Variants in TRIM10 observed in about 807,000 individuals in gnomAD.
TRIM10 encodes tripartite motif containing 10, also known as tripartite motif-containing protein 10.
TRIM10 carries 42 observed loss-of-function variants against 40.0 expected under a neutral mutation model. The observed-to-expected ratio is 1.05, with a 90% CI of 0.82 to 1.36. The LOEUF (loss-of-function observed/expected upper bound fraction) is 1.36, where lower values mean the gene tolerates loss of function less well. TRIM10 is among the 40% of genes most tolerant of loss of function. TRIM10 has a pLI of 0.00. For missense variants in TRIM10, 601 were observed against 608.3 expected (o/e 0.99, Z 0.13); for synonymous variants, 260 against 239.5 (o/e 1.09, Z -0.79).
Position 30,153,536 on chromosome 6 carries a change from A to T in TRIM10, c.*433T>A, listed in dbSNP as rs1374878939. 5 of 722,968 alleles carry T rather than the reference A, an allele frequency of 6.9e-6. No individual in the cohort carries two copies. Among genetic ancestry groups the T allele is most frequent in the Non-Finnish European group, 9.3e-6 (4 of 431,756 alleles). 44.8% of individuals were successfully genotyped at this position (722,968 alleles called of 1,614,324 possible). A position where few individuals can be genotyped will look rare whatever the true frequency, so the allele number is the denominator to read the frequency against. ...GCTTGGTTCATAGTTAACACAAACT[A>T]AATGGTTCTAGAGAATGTGATTACA... On this transcript the variant is annotated 3_prime_UTR_variant, in exon 7 of 7. Transcript: ENST00000449742.
Position 30,154,383 on chromosome 6 carries a change from G to T in TRIM10, c.1032C>A (p.Asn344Lys), listed in dbSNP as rs755239950. 1.2e-6 allele frequency: 2 copies of T among 1,613,002 alleles called. No homozygotes were observed. Among genetic ancestry groups the T allele is most frequent in the Non-Finnish European group, 1.7e-6 (2 of 1,179,978 alleles). ...FSYKWQNSPD[N>K]PQRFDRATCV... ...AGGTGGCCCGGTCAAAACGTTGGGG[G>T]TTGTCTGGTGAGTTCTGCCATTTGT... The change falls in exon 7 of 7, where the codon AAC becomes AAA. Residue 344 changes from asparagine (N) to lysine (K), a missense_variant. By Grantham distance (94) the Asn-to-Lys change is moderately conservative (BLOSUM62 0). Transcript: ENST00000449742.
Position 30,160,568 on chromosome 6 carries a change from ATCC to A in TRIM10, c.288_290del (p.Glu96del). On this transcript the variant is annotated inframe_deletion, in exon 1 of 7. Transcript: ENST00000449742. ...TCTTCTCTCCGTGCTCTTGGCAGAC[ATCC>A]TCCTCTCCCAAACCCAGTGTGGACA... 6.2e-7 allele frequency: 1 copy of A among 1,614,198 alleles called. No homozygotes were observed. Among genetic ancestry groups the A allele is most frequent in the South Asian group, 1.1e-5 (1 of 91,088 alleles).
At chr6:30,155,607 C>T in intron 6 of TRIM10, 120 bp downstream of exon 6, 1 of 781,432 alleles carries the variant, frequency 1.3e-6, no homozygotes, top group Middle Eastern at 2.3e-4. Context: ...TATATGTATC[C>T]ATGGGTGTTT....
Position 30,154,428 on chromosome 6 carries a change from G to A in TRIM10, c.987C>T (p.His329=), listed in dbSNP as rs1275106126. The change falls in exon 7 of 7, where the codon CAC becomes CAT. Residue 329 remains histidine (H), a synonymous_variant. Transcript: ENST00000449742. ...SHPKLLLSED[H]QRAQFSYKWQ... ...ATTTGTAGGAGAACTGAGCTCGCTGGTGGTCCTCGGACAAGAGGAGCTTGG... is the reference window on the plus strand; with the variant it reads ...ATTTGTAGGAGAACTGAGCTCGCTGATGGTCCTCGGACAAGAGGAGCTTGG... 8 of 1,613,004 alleles carry A rather than the reference G, an allele frequency of 5.0e-6. No individual in the cohort carries two copies. Among genetic ancestry groups the A allele is most frequent in the Non-Finnish European group, 6.8e-6 (8 of 1,180,046 alleles).
Position 30,154,343 on chromosome 6 carries a change from T to C in TRIM10, c.1072A>G (p.Thr358Ala), listed in dbSNP as rs535075723. The C allele has an allele frequency of 9.4e-5, 152 of 1,613,042 alleles. 4 individuals are homozygous for C. In the South Asian group the frequency reaches 9.9e-4, roughly 10 times the overall value. Residue 358 changes from threonine (T) to alanine (A), a missense_variant, in exon 7 of 7, where the codon ACT becomes GCT. Transcript: ENST00000449742. ...GTGTGTCTCCCCCCTGTGATGCCAG[T>C]GTGGGCCAGAACACAGGTGGCCCGG... is the stretch of plus-strand genomic sequence containing the variant. ...FDRATCVLAH[T>A]GITGGRHTWV...
upstream of TRIM10, chr6:30,163,928 T>C (rs1157254762): frequency 3.1e-6 from 5 of 1,612,980 alleles, no homozygotes; most frequent in Admixed American, 8.3e-5. Flanking sequence ...GGGAGAAACT[T>C]ACTGCGAGGA....
rs780856379 is a variant in TRIM10, at chr6:30,158,470, T to C, written c.685A>G (p.Ile229Val). The change falls in exon 3 of 7, where the codon ATC becomes GTC. Residue 229 changes from isoleucine to valine, a missense_variant. Physicochemically the swap from Ile to Val is conservative, Grantham distance 29. Transcript: ENST00000449742. ...DEFDLLVAGE[I>V]CRFSALIEEL... ...TCAATAAGAGCACTAAACCGGCAGA[T>C]CTCCCCAGCAACCAGCAAATCAAAT... 19 of 1,612,908 alleles carry C rather than the reference T, an allele frequency of 1.2e-5. No individual in the cohort carries two copies. The highest frequency in any genetic ancestry group is 1.5e-5 in the Non-Finnish European group (18 of 1,180,032).
At chr6:30,156,636 T>G in intron 5 of TRIM10, 1 of 422,974 alleles carries the variant, frequency 2.4e-6, no homozygotes, top group Non-Finnish European at 4.3e-6. Context: ...TTTTAACTTA[T>G]TAAGAATGAT....
At chr6:30,155,011 T>C (rs909437732) in intron 6 of TRIM10, among the ~76,000 whole-genome samples, 1 of 152,218 alleles carries the variant, frequency 6.6e-6, no homozygotes, top group Non-Finnish European at 1.5e-5. Flanking sequence ...TTATTCACTC[T>C]GCCTCAGTAA....
intron 5 of TRIM10, 47 bp downstream of exon 5, chr6:30,156,892 A>G (rs2127440622): frequency 6.4e-7 from 1 of 1,568,880 alleles, no homozygotes; most frequent in Non-Finnish European, 8.8e-7. Flanking sequence ...TCCTAAACCC[A>G]GGCTTCATGG....
At chr6:30,161,418 C>A (rs17188106), upstream of TRIM10, among the ~76,000 whole-genome samples, 271 of 152,282 alleles carry the variant, frequency 1.8e-3, no homozygotes, top group Admixed American at 5.4e-3. Flanking sequence ...AATGGTGATG[C>A]CTCAACTGGC....
chr6:30,157,967 A>G (rs758432192), intron 3 of TRIM10, among the ~76,000 whole-genome samples: 6 of 152,122 alleles, frequency 3.9e-5, no homozygotes, highest in South Asian at 2.1e-4. Flanking sequence ...TGCCTTTCCA[A>G]TACTTTGTGG....
rs199959083 is a variant in TRIM10, at chr6:30,160,505, G to T, written c.354C>A (p.Cys118Ter). The T allele has an allele frequency of 5.0e-6, 8 of 1,614,016 alleles. No homozygotes were observed. The highest frequency in any genetic ancestry group is 1.7e-5 in the Admixed American group (1 of 60,004). ...GCTCCCCAGCCTCCCGGCACACCAC[G>T]CACAACTGCATCTCATCATCCTCAC... is the stretch of plus-strand genomic sequence containing the variant. ...FFCEDDEMQL[C>*]VVCREAGEHA... The change falls in exon 1 of 7, where the codon TGC (cysteine) becomes TGA (stop). Residue 118 changes from cysteine to a stop codon, truncating the protein, a stop_gained. Transcript: ENST00000449742. LOFTEE classifies it high-confidence loss of function.
chr6:30,158,366 A>G (rs1275050628), intron 3 of TRIM10, 33 bp downstream of exon 3: 1 of 1,568,352 alleles, frequency 6.4e-7, no homozygotes, highest in Non-Finnish European at 8.8e-7. Context: ...ACAGGACAGC[A>G]CAGGTGGGGC....
In TRIM10 at chr6:30,156,920, A is replaced by T. The variant is rs114536811; in HGVS notation, c.895+19T>A. ...CTTCATGGCCACCTGCGCTCTGTGG[A>T]GGCCTGGGGTTCTCTTACCCAGAAA... On this transcript the variant is annotated intron_variant, in intron 5 of 6. Coordinates refer to ENST00000449742, the MANE Select transcript of TRIM10 (RefSeq NM_006778.4). The T allele has an allele frequency of 0.017, 26,588 of 1,608,326 alleles. 352 individuals carry two copies. The highest frequency in any genetic ancestry group is 0.045 in the African/African-American group (3,367 of 74,938).
chr6:30,158,289 C>T, intron 3 of TRIM10, 110 bp downstream of exon 3: 2 of 920,776 alleles, frequency 2.2e-6, no homozygotes, highest in Non-Finnish European at 3.5e-6. Context: ...GACCCACCTC[C>T]CATCTGGGAT....
rs1398835284 is a variant in TRIM10, at chr6:30,152,192, G to C, written c.*1777C>G. 1 of 152,166 alleles carries C rather than the reference G, an allele frequency of 6.6e-6. No individual in the cohort carries two copies. Among genetic ancestry groups the C allele is most frequent in the Non-Finnish European group, 1.5e-5 (1 of 68,032 alleles). The allele number at this position is 152,166 out of a possible 1,614,324, so 9.4% of individuals were successfully genotyped here. On this transcript the variant is annotated 3_prime_UTR_variant, in exon 7 of 7. Transcript: ENST00000449742. ...AAGAGCTCTTGGGTCAGACATGGAT[G>C]AACTGGTTGCATGATCTTGGCTCGT...
At chr6:30,157,658 T>TTTTTTC (rs1772677554) in intron 3 of TRIM10, among the ~76,000 whole-genome samples, 14 of 3,284 alleles carry the variant, frequency 4.3e-3, no homozygotes, top group African/African-American at 0.016. Context: ...GCTAATTTTC[T>TTTTTTC]TTTTTTTTTT....
chr6:30,160,109 T>G (rs1772932158), intron 1 of TRIM10, among the ~76,000 whole-genome samples: 1 of 152,098 alleles, frequency 6.6e-6, no homozygotes, highest in African/African-American at 2.4e-5. Context: ...ATACACACTG[T>G]TTGTACAATC....
Sources: gnomAD v4.1 joint callset for allele counts (sites outside exome capture counted in the v4.1 genomes callset) on GRCh38, gnomAD v4.1.1 for gene constraint, MANE v1.5 for transcripts, NCBI Gene and HGNC (gene_info 2026-07-23, HGNC 2026-07-21) for gene names.